UNC5A: variants seen among roughly 807,000 people sequenced by gnomAD.
UNC5A encodes the protein unc-5 netrin receptor A, also known as netrin receptor UNC5A.
Under a neutral mutation model 87.4 loss-of-function variants are expected in UNC5A, and 20 were observed. That is an observed-to-expected ratio of 0.23 (90% CI 0.16 to 0.33). The LOEUF is 0.33. Among genes scored for constraint, UNC5A ranks in the 10% least tolerant of loss-of-function variants. The pLI is 1.00. For missense variants in UNC5A, 844 were observed against 1,133.4 expected, an observed-to-expected ratio of 0.74 and a Z score of 3.67; for synonymous variants, 438 against 482.3, an observed-to-expected ratio of 0.91 and a Z score of 1.20.
intron 1 of UNC5A, among the ~76,000 whole-genome samples, chr5:176,813,577 G>C (rs1489553962): frequency 1.3e-5 from 2 of 152,180 alleles, no homozygotes; most frequent in Non-Finnish European, 2.9e-5. Context: ...CTGCCTGCCT[G>C]CTCCCCACTT....
intron 1 of UNC5A, among the ~76,000 whole-genome samples, chr5:176,830,490 GTA>G (rs1756973300): frequency 2.1e-5 from 3 of 144,912 alleles, no homozygotes; most frequent in Non-Finnish European, 3.0e-5. Context: ...GTGTGCCGGC[GTA>G]TGTGTGTGCT....
chr5:176,875,579 G>C lies in UNC5A; in HGVS notation c.1378+1013G>C, dbSNP rs1289450595. 6.6e-6 allele frequency among the ~76,000 whole-genome samples: 1 copy of C among 151,960 alleles called. No individual in the cohort carries two copies. Among genetic ancestry groups the C allele is most frequent in the Non-Finnish European group, 1.5e-5 (1 of 68,004 alleles). Reference sequence around the variant, plus strand: ...ACACGGGCCACCAAACCCCTTACCTGGTTCCTTGCTGTAAAACTTCACCAA... The same window carrying C: ...ACACGGGCCACCAAACCCCTTACCTCGTTCCTTGCTGTAAAACTTCACCAA... On this transcript the variant is annotated intron_variant, in intron 8 of 14. Coordinates refer to ENST00000329542, the MANE Select transcript of UNC5A (RefSeq NM_133369.3). This position sits in a 1 kb window ranked among gnomAD's most constrained non-coding sequence, Gnocchi z 5.2.
rs932514015 is a variant in UNC5A at position 176,812,424 on chromosome 5, G to A, written c.70+1604G>A. Among the ~76,000 whole-genome samples the A allele has an allele frequency of 1.2e-4, 18 of 152,318 alleles. No homozygotes were observed. In the South Asian group the frequency reaches 3.5e-3, roughly 30 times the overall value. On this transcript the variant is annotated intron_variant, in intron 1 of 14. Coordinates refer to ENST00000329542, the MANE Select transcript of UNC5A (RefSeq NM_133369.3). The stretch of plus-strand genomic sequence containing the variant: ...AGGCTGTGGGTTGACATGTGTGCCC[G>A]GGTAACCAGGGGGGTTGGCATGGTG...
chr5:176,815,820 C>T (rs1260850767), intron 1 of UNC5A, among the ~76,000 whole-genome samples: 2 of 152,236 alleles, frequency 1.3e-5, no homozygotes, highest in African/African-American at 4.8e-5. Context: ...CCTCCCCCGC[C>T]ATTGACACAT....
rs906717692 is a variant in UNC5A at position 176,838,750 on chromosome 5, C to G, written c.71-23874C>G. On this transcript the variant is annotated intron_variant, in intron 1 of 14. Transcript: ENST00000329542. The surrounding 1 kb of genome is among the most constrained non-coding windows in gnomAD (Gnocchi z 4.2). The stretch of plus-strand genomic sequence containing the variant: ...CAGCCCTCACATCCTCACCCCACAC[C>G]TTCCAGGGGAAAGATGCCTCCTCTC... Among the ~76,000 whole-genome samples, 1 of 152,222 alleles carries G rather than the reference C, an allele frequency of 6.6e-6. No homozygotes were observed. The highest frequency in any genetic ancestry group is 1.5e-5 in the Non-Finnish European group (1 of 68,048).
chr5:176,842,904 G>A (rs1370772589), intron 1 of UNC5A, among the ~76,000 whole-genome samples: 1 of 152,074 alleles, frequency 6.6e-6, no homozygotes, highest in African/African-American at 2.4e-5. Context: ...GCTCACACCT[G>A]TAATCCCAAC....
At position 176,875,506 on chromosome 5, in the gene UNC5A, A is replaced by G. The variant is rs1299348556; in HGVS notation, c.1378+940A>G. Among the ~76,000 whole-genome samples the G allele has an allele frequency of 6.6e-6, 1 of 151,730 alleles. No individual in the cohort carries two copies. Among genetic ancestry groups the G allele is most frequent in the Non-Finnish European group, 1.5e-5 (1 of 67,926 alleles). The stretch of plus-strand genomic sequence containing the variant: ...TCAGTCCCACGCCAGTCCCTCCTCA[A>G]TAGCTCCTGCCACCTCCTGCTCTTG... On this transcript the variant is annotated intron_variant, in intron 8 of 14. Coordinates refer to ENST00000329542, the MANE Select transcript of UNC5A (RefSeq NM_133369.3). This position sits in a 1 kb window ranked among gnomAD's most constrained non-coding sequence, Gnocchi z 5.2.
intron 1 of UNC5A, among the ~76,000 whole-genome samples, chr5:176,830,797 CAT>C (rs1410797596): frequency 1.9e-5 from 2 of 106,344 alleles, no homozygotes; most frequent in Non-Finnish European, 3.8e-5. Context: ...TGTGTGCTGG[CAT>C]GTGTGTGTGC....
intron 6 of UNC5A, among the ~76,000 whole-genome samples, chr5:176,871,768 G>A (rs879932201): frequency 6.2e-5 from 3 of 48,702 alleles, no homozygotes; most frequent in Admixed American, 2.1e-4. Context: ...GCCCACACTC[G>A]CCCAACACCA....
At chr5:176,856,546 G>A (rs919185116) in intron 1 of UNC5A, among the ~76,000 whole-genome samples, 10 of 152,200 alleles carry the variant, frequency 6.6e-5, no homozygotes, top group South Asian at 2.1e-4. Flanking sequence ...GGGAAGTGGC[G>A]TACAAACTCA....
chr5:176,830,568 G>A (rs1188078593), intron 1 of UNC5A, among the ~76,000 whole-genome samples: 11 of 147,096 alleles, frequency 7.5e-5, no homozygotes, highest in Admixed American at 2.7e-4. Flanking sequence ...CCTGGTGTGT[G>A]TGTGTGTGTG....
At position 176,877,887 on chromosome 5, in the gene UNC5A, C is replaced by T. The variant is rs752859460; in HGVS notation, c.1636-7C>T. On this transcript the variant is annotated splice_polypyrimidine_tract_variant and splice_region_variant and intron_variant, in intron 10 of 14. Transcript: ENST00000329542. The stretch of plus-strand genomic sequence containing the variant: ...GGCCGAATTGACCCACTGACCCCTG[C>T]CCACAGGATGTGCTGCACCTGGGCG... 4 of 1,597,038 alleles carry T rather than the reference C, an allele frequency of 2.5e-6. No homozygotes were observed. The highest frequency in any genetic ancestry group is 3.4e-6 in the Non-Finnish European group (4 of 1,175,990).
chr5:176,862,549 A>G, intron 1 of UNC5A, 75 bp from the exon 2 acceptor site: 1 of 1,387,628 alleles, frequency 7.2e-7, no homozygotes, highest in Non-Finnish European at 1.0e-6. Context: ...CCACGGTGGA[A>G]TCGTTTGCTG....
chr5:176,832,196 C>A (rs1039045786), intron 1 of UNC5A, among the ~76,000 whole-genome samples: 2 of 152,194 alleles, frequency 1.3e-5, no homozygotes, highest in African/African-American at 4.8e-5. Context: ...CATGCCTGGC[C>A]TCACACTTTC....
At chr5:176,817,175 G>A (rs1241798799) in intron 1 of UNC5A, among the ~76,000 whole-genome samples, 2 of 152,060 alleles carry the variant, frequency 1.3e-5, no homozygotes, top group Non-Finnish European at 2.9e-5. Flanking sequence ...TGACTGGTGG[G>A]GCCCCCAGAG....
In UNC5A at chr5:176,874,629, C is replaced by G; in HGVS notation, c.1378+63C>G. On this transcript the variant is annotated intron_variant, in intron 8 of 14. Coordinates refer to ENST00000329542, the MANE Select transcript of UNC5A (RefSeq NM_133369.3). The surrounding 1 kb of genome is among the most constrained non-coding windows in gnomAD (Gnocchi z 7.6). The stretch of plus-strand genomic sequence containing the variant: ...CCCTCCTGGAGGAGGACGGGACAGC[C>G]GGACGTTCCTCTCGTGCCCCTCGGT... 6.8e-7 allele frequency: 1 copy of G among 1,473,186 alleles called. No homozygotes were observed. The highest frequency in any genetic ancestry group is 9.0e-7 in the Non-Finnish European group (1 of 1,106,552). 91.3% of individuals were successfully genotyped at this position (1,473,186 alleles called of 1,614,324 possible).
intron 1 of UNC5A, among the ~76,000 whole-genome samples, chr5:176,837,542 A>G (rs1413631917): frequency 6.6e-6 from 1 of 152,208 alleles, no homozygotes; most frequent in Non-Finnish European, 1.5e-5. Context: ...CACCAGGGAC[A>G]GGGTCACCAT....
At position 176,834,061 on chromosome 5, in the gene UNC5A, T is replaced by C. The variant is rs537256534; in HGVS notation, c.70+23241T>C. Among the ~76,000 whole-genome samples the C allele has an allele frequency of 2.9e-4, 44 of 152,308 alleles. No individual in the cohort carries two copies. In the East Asian group the frequency reaches 3.1e-3, roughly 11 times the overall value. On this transcript the variant is annotated intron_variant, in intron 1 of 14. Transcript: ENST00000329542. ...AACTTAGGTCTTCAGTAAATGTTTG[T>C]GGAGTGCCGCATCTGTGCTGGGCTC...
intron 1 of UNC5A, among the ~76,000 whole-genome samples, chr5:176,812,820 C>G (rs1477158691): frequency 6.6e-6 from 1 of 152,128 alleles, no homozygotes; most frequent in Non-Finnish European, 1.5e-5. Flanking sequence ...AGGGGCTGGC[C>G]CTACTTCTTT....
Sources: gnomAD v4.1 joint callset for allele counts (sites outside exome capture counted in the v4.1 genomes callset) on GRCh38, gnomAD v4.1.1 for gene constraint, Gnocchi (gnomAD v3.1) non-coding constraint, MANE v1.5 for transcripts, NCBI Gene and HGNC (gene_info 2026-07-23, HGNC 2026-07-21) for gene names.